NTNG1: variants seen among roughly 807,000 people sequenced by gnomAD.
NTNG1 encodes the protein netrin-G1.
Under a neutral mutation model 54.0 loss-of-function variants are expected in NTNG1, and 16 were observed. That is an observed-to-expected ratio of 0.30 (90% confidence interval 0.20 to 0.45). The LOEUF (loss-of-function observed/expected upper bound fraction) is 0.45. NTNG1 is among the 20% of genes least tolerant of loss of function. The pLI is 1.00. For missense variants in NTNG1, 530 were observed against 678.7 expected (o/e 0.78, Z 2.43); for synonymous variants, 255 against 263.1 (o/e 0.97, Z 0.30).
At chr1:107,209,583 A>G (rs1241173705) in intron 2 of NTNG1, among the ~76,000 whole-genome samples, 1 of 152,122 alleles carries the variant, frequency 6.6e-6, no homozygotes, top group East Asian at 1.9e-4. Context: ...CTTGATTGAG[A>G]CAATAATTGC....
At position 107,206,746 on chromosome 1, in the gene NTNG1, A is replaced by G. The variant is rs1196452057; in HGVS notation, c.246+57907A>G. Among the ~76,000 whole-genome samples the G allele has an allele frequency of 2.0e-5, 3 of 152,274 alleles. No homozygotes were observed. The Middle Eastern group carries it at 0.01, about 518-fold the overall frequency. ...TAAATATTTATTCAGTGCCTAGTAT[A>G]TATTGGGTTTTGTGTGAAGCTGTGT... On this transcript the variant is annotated intron_variant, in intron 2 of 7. Transcript: ENST00000370068.
chr1:107,350,120 G>T (rs532428897), intron 3 of NTNG1, among the ~76,000 whole-genome samples: 1 of 151,958 alleles, frequency 6.6e-6, no homozygotes, highest in African/African-American at 2.4e-5. Flanking sequence ...ATAAGTTGTG[G>T]TTCTGATTAA....
At chr1:107,413,849 T>G (rs971362285) in intron 5 of NTNG1, among the ~76,000 whole-genome samples, 5 of 152,214 alleles carry the variant, frequency 3.3e-5, no homozygotes, top group Admixed American at 2.6e-4. Flanking sequence ...TTTTTCATTC[T>G]ACCATGACAT....
At chr1:107,178,799 G>C (rs577568133) in intron 2 of NTNG1, among the ~76,000 whole-genome samples, 1 of 152,244 alleles carries the variant, frequency 6.6e-6, no homozygotes, top group African/African-American at 2.4e-5. Flanking sequence ...ACTAAGTTAA[G>C]CCATGGCGAC....
At chr1:107,263,982 T>G (rs1483750875) in intron 2 of NTNG1, among the ~76,000 whole-genome samples, 1 of 152,244 alleles carries the variant, frequency 6.6e-6, no homozygotes, top group Non-Finnish European at 1.5e-5. Flanking sequence ...GTTCTTATCA[T>G]AGTTTGTTGA....
chr1:107,467,573 G>A (rs919320223), intron 7 of NTNG1, among the ~76,000 whole-genome samples: 6 of 152,178 alleles, frequency 3.9e-5, no homozygotes, highest in South Asian at 4.1e-4. Flanking sequence ...AGAGCCATGC[G>A]TGGTAATGTC....
At chr1:107,361,391 AT>A (rs1177736263) in intron 3 of NTNG1, among the ~76,000 whole-genome samples, 1 of 87,974 alleles carries the variant, frequency 1.1e-5, no homozygotes, top group African/African-American at 3.9e-5. Flanking sequence ...ATATATATAT[AT>A]TTTTTTTTTT....
chr1:107,382,102 C>CCTGA (rs34759120), intron 3 of NTNG1, among the ~76,000 whole-genome samples: 109,353 of 151,374 alleles, frequency 0.72, 40,074 homozygotes, highest in Middle Eastern at 0.86. Context: ...CTCTGTTCTC[C>CCTGA]TTGCTGGAAG....
At chr1:107,440,163 A>G (rs922835515) in intron 7 of NTNG1, among the ~76,000 whole-genome samples, 2 of 152,082 alleles carry the variant, frequency 1.3e-5, no homozygotes, top group Admixed American at 6.5e-5. Context: ...GGGAGGCAGT[A>G]GGAGATATCA....
intron 2 of NTNG1, among the ~76,000 whole-genome samples, chr1:107,262,205 G>A (rs965613530): frequency 6.6e-6 from 1 of 152,266 alleles, no homozygotes; most frequent in African/African-American, 2.4e-5. Flanking sequence ...TACACATGTA[G>A]TAACACAATT....
chr1:107,468,261 T>C (rs574555088), intron 7 of NTNG1, among the ~76,000 whole-genome samples: 2 of 149,734 alleles, frequency 1.3e-5, no homozygotes, highest in East Asian at 3.9e-4. Context: ...AAATTAAGTC[T>C]CTAAGGAGAC....
chr1:107,297,322 C>T (rs980296354), intron 2 of NTNG1, among the ~76,000 whole-genome samples: 9 of 148,522 alleles, frequency 6.1e-5, no homozygotes, highest in African/African-American at 2.2e-4. Context: ...TGTATTCTAG[C>T]AACAAATAAA....
At chr1:107,413,223 C>T (rs1468863884) in intron 5 of NTNG1, among the ~76,000 whole-genome samples, 4 of 150,868 alleles carry the variant, frequency 2.7e-5, no homozygotes, top group South Asian at 2.1e-4. Context: ...AGTGCAGTGA[C>T]GCAGTCTCAG....
intron 2 of NTNG1, among the ~76,000 whole-genome samples, chr1:107,154,227 A>G (rs968298546): frequency 6.6e-6 from 1 of 152,118 alleles, no homozygotes; most frequent in Non-Finnish European, 1.5e-5. Flanking sequence ...CAACATGTCA[A>G]AGGCCACTTG....
At chr1:107,366,568 T>C (rs1362019123) in intron 3 of NTNG1, among the ~76,000 whole-genome samples, 2 of 152,204 alleles carry the variant, frequency 1.3e-5, no homozygotes, top group Non-Finnish European at 2.9e-5. Flanking sequence ...ACAAAAACTA[T>C]TTCTGTAAAG....
At chr1:107,376,417 C>CAAAAAAAAA (rs59015235) in intron 3 of NTNG1, among the ~76,000 whole-genome samples, 2 of 147,996 alleles carry the variant, frequency 1.4e-5, no homozygotes, top group Non-Finnish European at 1.5e-5. Context: ...CAAAACAAAA[C>CAAAAAAAAA]AAAAAAAAAA....
At chr1:107,455,752 G>T (rs991801353) in intron 7 of NTNG1, 9 of 355,870 alleles carry the variant, frequency 2.5e-5, no homozygotes, top group African/African-American at 1.8e-4. Context: ...TCATGCTGTC[G>T]TGTCAGTGCT....
At chr1:107,235,982 C>T (rs891885336) in intron 2 of NTNG1, among the ~76,000 whole-genome samples, 2 of 152,152 alleles carry the variant, frequency 1.3e-5, no homozygotes, top group African/African-American at 4.8e-5. Flanking sequence ...CAGTGGATTA[C>T]AGCTGAAAAA....
intron 2 of NTNG1, among the ~76,000 whole-genome samples, chr1:107,289,374 T>G (rs1157700658): frequency 6.6e-6 from 1 of 152,116 alleles, no homozygotes; most frequent in Non-Finnish European, 1.5e-5. Flanking sequence ...AGTCCTCACT[T>G]TACTACCTCT....
Sources: gnomAD v4.1 joint callset for allele counts (sites outside exome capture counted in the v4.1 genomes callset) on GRCh38, gnomAD v4.1.1 for gene constraint, MANE v1.5 for transcripts, NCBI Gene and HGNC (gene_info 2026-07-23, HGNC 2026-07-21) for gene names.